Variants in ZFYVE1 observed in about 807,000 individuals in gnomAD.
The protein encoded by ZFYVE1 is zinc finger FYVE-type containing 1, also known as zinc finger FYVE domain-containing protein 1.
Under a neutral mutation model 74.4 loss-of-function variants are expected in ZFYVE1, and 30 were observed. The observed-to-expected ratio is 0.40, with a 90% CI of 0.30 to 0.55. The LOEUF is 0.55. ZFYVE1 is among the 20% of genes least tolerant of loss of function. ZFYVE1 has a pLI of 0.42. For missense variants in ZFYVE1, 703 were observed against 1,011.6 expected, an observed-to-expected ratio of 0.69 and a Z score of 4.14; for synonymous variants, 335 against 385.1, an observed-to-expected ratio of 0.87 and a Z score of 1.52.
chr14:73,019,788 C>T (rs1284440640), intron 2 of ZFYVE1, among the ~76,000 whole-genome samples: 2 of 151,742 alleles, frequency 1.3e-5, no homozygotes, highest in Admixed American at 1.3e-4. Flanking sequence ...CCCGTCTCTA[C>T]TAAAAATACA....
intron 1 of ZFYVE1, among the ~76,000 whole-genome samples, chr14:73,025,321 G>A (rs1894435242): frequency 6.6e-6 from 1 of 151,652 alleles, no homozygotes; most frequent in African/African-American, 2.4e-5. Context: ...TGCCCGCCTT[G>A]GCCTCCCAAA....
chr14:72,981,429 G>A (rs1893328100), intron 5 of ZFYVE1, among the ~76,000 whole-genome samples: 1 of 152,064 alleles, frequency 6.6e-6, no homozygotes, highest in Admixed American at 6.6e-5. Flanking sequence ...AGAATACTAT[G>A]AATAAGTGAC....
chr14:72,970,694 C>T lies in ZFYVE1; in HGVS notation c.*188G>A. 1.6e-6 allele frequency: 1 copy of T among 633,986 alleles called. No homozygotes were observed. Among genetic ancestry groups the T allele is most frequent in the Non-Finnish European group, 2.8e-6 (1 of 362,590 alleles). 39.3% of individuals were successfully genotyped at this position (633,986 alleles called of 1,614,324 possible). On this transcript the variant is annotated 3_prime_UTR_variant, in exon 12 of 12. Coordinates refer to ENST00000556143, the MANE Select transcript of ZFYVE1 (RefSeq NM_021260.4). The stretch of plus-strand genomic sequence containing the variant: ...CCTTTGCGATAAGTTGCAAGGTCCC[C>T]TGCCCTGAGGGGTCCACACCTTCGG...
At chr14:73,011,873 T>C (rs1567361601) in intron 2 of ZFYVE1, among the ~76,000 whole-genome samples, 1 of 150,488 alleles carries the variant, frequency 6.6e-6, no homozygotes, top group Non-Finnish European at 1.5e-5. Context: ...TAAGATTGCA[T>C]ACATATATAT....
intron 11 of ZFYVE1, among the ~76,000 whole-genome samples, chr14:72,972,115 GA>G (rs1400474216): frequency 2.0e-4 from 30 of 152,256 alleles, no homozygotes; most frequent in African/African-American, 6.3e-4. Context: ...TTGGAAGCCT[GA>G]GGCATGAGAA....
intron 2 of ZFYVE1, among the ~76,000 whole-genome samples, chr14:73,015,648 C>T (rs145910438): frequency 1.1e-3 from 163 of 152,174 alleles, no homozygotes; most frequent in African/African-American, 3.4e-3. Context: ...CCTCCCAAAG[C>T]GCTGGGATTA....
chr14:73,010,283 T>A (rs1187489101), intron 2 of ZFYVE1, among the ~76,000 whole-genome samples: 1 of 152,072 alleles, frequency 6.6e-6, no homozygotes, highest in African/African-American at 2.4e-5. Context: ...CTGGCCATCA[T>A]GGTGAAACCC....
chr14:72,990,549 AC>A (rs1893583767), intron 4 of ZFYVE1, among the ~76,000 whole-genome samples: 1 of 151,766 alleles, frequency 6.6e-6, no homozygotes, highest in Admixed American at 6.6e-5. Flanking sequence ...GCCACGCACC[AC>A]CACGCGCAGC....
chr14:73,010,805 C>G (rs374888102), intron 2 of ZFYVE1, among the ~76,000 whole-genome samples: 1 of 101,032 alleles, frequency 9.9e-6, no homozygotes, highest in South Asian at 3.3e-4. Flanking sequence ...ACACACAAAA[C>G]AAAAAAAAAA....
rs1282423488 is a variant in ZFYVE1, at chr14:72,969,601, G to A, written c.*1281C>T. 9.1e-6 allele frequency: 6 copies of A among 662,188 alleles called. No homozygotes were observed. Among genetic ancestry groups the A allele is most frequent in the Non-Finnish European group, 1.6e-5 (6 of 366,578 alleles). 41.0% of individuals were successfully genotyped at this position (662,188 alleles called of 1,614,324 possible). ...TCACACCGATAGGCGCACCAGGAAT[G>A]ACCGCCATATACTTCCCTAAAGCTC... On this transcript the variant is annotated 3_prime_UTR_variant, in exon 12 of 12. Coordinates refer to ENST00000556143, the MANE Select transcript of ZFYVE1 (RefSeq NM_021260.4).
At chr14:72,977,323 T>A (rs576196105) in intron 8 of ZFYVE1, among the ~76,000 whole-genome samples, 1 of 152,174 alleles carries the variant, frequency 6.6e-6, no homozygotes, top group East Asian at 1.9e-4. Context: ...GGAGAATCAC[T>A]TGAACCCGGG....
At chr14:72,993,096 C>T in intron 4 of ZFYVE1, 47 bp downstream of exon 4, 2 of 1,519,342 alleles carry the variant, frequency 1.3e-6, no homozygotes, top group Non-Finnish European at 1.8e-6. Flanking sequence ...GTTCTCACCA[C>T]CCACTGGCAC....
intron 11 of ZFYVE1, among the ~76,000 whole-genome samples, chr14:72,972,561 C>T (rs982743062): frequency 6.6e-6 from 1 of 152,202 alleles, no homozygotes; most frequent in African/African-American, 2.4e-5. Context: ...CACTTTTGCT[C>T]GCTCCCCTAC....
chr14:72,998,883 T>G (rs1347019862), intron 2 of ZFYVE1, among the ~76,000 whole-genome samples: 1 of 150,248 alleles, frequency 6.7e-6, no homozygotes, highest in East Asian at 1.9e-4. Flanking sequence ...TGGGGCCAAG[T>G]GAGGTGACTC....
At chr14:73,026,741 A>C (rs1441971002) in intron 1 of ZFYVE1, among the ~76,000 whole-genome samples, 185 bp downstream of exon 1, 2 of 143,736 alleles carry the variant, frequency 1.4e-5, no homozygotes, top group African/African-American at 2.6e-5. Context: ...AAGGTCCCCC[A>C]AAATCCCCCC....
intron 2 of ZFYVE1, among the ~76,000 whole-genome samples, chr14:73,003,221 A>AT (rs1893912625): frequency 6.6e-6 from 1 of 150,992 alleles, no homozygotes; most frequent in African/African-American, 2.4e-5. Flanking sequence ...CACCCAGCTA[A>AT]TTTTTTTTGT....
At chr14:72,978,836 A>G (rs1392949197) in intron 6 of ZFYVE1, 25 bp downstream of exon 6, 1 of 1,604,598 alleles carries the variant, frequency 6.2e-7, no homozygotes, top group Admixed American at 1.7e-5. Flanking sequence ...CGCTGCTGAC[A>G]CAGGGAGGAG....
At chr14:72,991,883 A>G (rs1006148840) in intron 4 of ZFYVE1, among the ~76,000 whole-genome samples, 42 of 148,794 alleles carry the variant, frequency 2.8e-4, no homozygotes, top group African/African-American at 1.0e-3. Flanking sequence ...TTTAATCCCC[A>G]CCTCTCTTTA....
intron 2 of ZFYVE1, among the ~76,000 whole-genome samples, chr14:73,016,793 G>A (rs1894212001): frequency 6.6e-6 from 1 of 151,064 alleles, no homozygotes; most frequent in Non-Finnish European, 1.5e-5. Flanking sequence ...AGAATCACTT[G>A]AACCCAGGAG....
Sources: allele counts gnomAD v4.1 joint callset (sites outside exome capture counted in the v4.1 genomes callset), GRCh38; gene constraint gnomAD v4.1.1; transcripts MANE v1.5; gene names NCBI Gene and HGNC (gene_info 2026-07-23, HGNC 2026-07-21).